The following SMARCA2 variants were observed in gnomAD, a reference collection of about 807,000 sequenced individuals.
SMARCA2 encodes the protein SWI/SNF-related matrix-associated actin-dependent regulator of chromatin subfamily A member 2.
In SMARCA2, 61 loss-of-function variants were observed where a neutral mutation model predicts 199.8. The observed-to-expected ratio is 0.31, with a 90% CI of 0.25 to 0.38. The LOEUF (loss-of-function observed/expected upper bound fraction) is 0.38. Among genes scored for constraint, SMARCA2 ranks in the 10% least tolerant of loss-of-function variants. The probability of loss-of-function intolerance (pLI) is 1.00; values close to 1 mark genes in which losing one functional copy is unlikely to be tolerated. For missense variants in SMARCA2, 1,344 were observed against 2,012.2 expected, an observed-to-expected ratio of 0.67 and a Z score of 6.35; for synonymous variants, 935 against 732.0, an observed-to-expected ratio of 1.28 and a Z score of -4.48.
rs1192580920 is a variant in SMARCA2, at chr9:2,123,334, G to C, written c.3763-385G>C. Among the ~76,000 whole-genome samples the C allele has an allele frequency of 6.6e-6, 1 of 151,926 alleles. No individual in the cohort carries two copies. The highest frequency in any genetic ancestry group is 1.5e-5 in the Non-Finnish European group (1 of 67,996). On this transcript the variant is annotated intron_variant, in intron 26 of 33. Transcript: ENST00000349721. This position sits in a 1 kb window ranked among gnomAD's most constrained non-coding sequence, Gnocchi z 4.1. ...AAGATCTTTCTTTTCTTTACTCAAA[G>C]AATAAGTTTCTTCCAGGGAAGCAAT...
intron 27 of SMARCA2, among the ~76,000 whole-genome samples, chr9:2,142,464 A>C (rs1824510513): frequency 6.6e-6 from 1 of 152,054 alleles, no homozygotes; most frequent in South Asian, 2.1e-4. Flanking sequence ...CTCTCTCCTG[A>C]TTTCTCAGAA....
At position 2,056,169 on chromosome 9, in the gene SMARCA2, A is replaced by G. The variant is rs1040093865; in HGVS notation, c.1174-503A>G. On this transcript the variant is annotated intron_variant, in intron 6 of 33. Transcript: ENST00000349721. This position sits in a 1 kb window ranked among gnomAD's most constrained non-coding sequence, Gnocchi z 4.0. Reference sequence around the variant, plus strand: ...TTGGAGTGGGAAGAAGCCAAAACTCATATTTCCCATCCTTTGTATGAGACT... The same window carrying G: ...TTGGAGTGGGAAGAAGCCAAAACTCGTATTTCCCATCCTTTGTATGAGACT... 6.6e-6 allele frequency among the ~76,000 whole-genome samples: 1 copy of G among 152,228 alleles called. No homozygotes were observed. The highest frequency in any genetic ancestry group is 6.5e-5 in the Admixed American group (1 of 15,284).
At chr9:2,097,316 G>C in intron 20 of SMARCA2, 69 bp from the exon 21 acceptor site, 2 of 990,984 alleles carry the variant, frequency 2.0e-6, no homozygotes, top group Non-Finnish European at 3.2e-6. Context: ...AAGAAGCCCA[G>C]TGTGAAGGAT....
intron 16 of SMARCA2, among the ~76,000 whole-genome samples, chr9:2,083,698 G>A (rs1821667776): frequency 6.6e-6 from 1 of 152,184 alleles, no homozygotes; most frequent in African/African-American, 2.4e-5. Context: ...CTGCTGACTG[G>A]CTCGCTGTGG....
rs374750495 is a variant in SMARCA2, at chr9:2,191,321, C to T, written c.4650C>T (p.Asp1550=). The T allele has an allele frequency of 3.1e-6, 5 of 1,613,936 alleles. No individual in the cohort carries two copies. Among genetic ancestry groups the T allele is most frequent in the African/African-American group, 1.3e-5 (1 of 74,886 alleles). The change falls in exon 33 of 34, where the codon GAC becomes GAT. Residue 1550 remains aspartate (D), a synonymous_variant. Transcript: ENST00000349721. ...KLNKKDDKGR[D]KGKGKKRPNR... ...ATAAAAAAGATGACAAAGGCCGGGA[C>T]AAAGGGAAAGGCAAGAAAAGGCCAA... is the stretch of plus-strand genomic sequence containing the variant.
chr9:2,161,646 C>G lies in SMARCA2; in HGVS notation c.3982-40C>G. On this transcript the variant is annotated intron_variant, in intron 27 of 33. Coordinates refer to ENST00000349721, the MANE Select transcript of SMARCA2 (RefSeq NM_003070.5). The surrounding 1 kb of genome is among the most constrained non-coding windows in gnomAD (Gnocchi z 4.7). ...ACATACTTTTTTTGTCTTGGTTATT[C>G]TCTTGTCTTGAATTTGTCTCCTTTG... is the stretch of plus-strand genomic sequence containing the variant. 1 of 1,406,154 alleles carries G rather than the reference C, an allele frequency of 7.1e-7. No homozygotes were observed. The highest frequency in any genetic ancestry group is 1.0e-6 in the Non-Finnish European group (1 of 999,336). The allele number at this position is 1,406,154 out of a possible 1,614,324, so 87.1% of individuals were successfully genotyped here.
intron 19 of SMARCA2, among the ~76,000 whole-genome samples, chr9:2,094,727 AATGTGGCT>A (rs1178178168): frequency 6.6e-6 from 1 of 152,220 alleles, no homozygotes; most frequent in African/African-American, 2.4e-5. Context: ...GAGAAGGCTA[AATGTGGCT>A]ATCCCAGTAC....
intron 27 of SMARCA2, among the ~76,000 whole-genome samples, chr9:2,146,426 T>C (rs1373205787): frequency 6.6e-6 from 1 of 152,188 alleles, no homozygotes; most frequent in Non-Finnish European, 1.5e-5. Context: ...TAGATTCTGT[T>C]ACCGGATCCC....
chr9:2,138,863 G>C (rs1221148062), intron 27 of SMARCA2, among the ~76,000 whole-genome samples: 1 of 152,176 alleles, frequency 6.6e-6, no homozygotes, highest in African/African-American at 2.4e-5. Flanking sequence ...CCATCTCCGA[G>C]AACTCAGCTC....
At chr9:2,185,620 G>A (rs1406825398) in intron 31 of SMARCA2, among the ~76,000 whole-genome samples, 1 of 152,142 alleles carries the variant, frequency 6.6e-6, no homozygotes, top group Non-Finnish European at 1.5e-5. Flanking sequence ...CCTACCCAGG[G>A]CCATGCTCAG....
rs570310321 is a variant in SMARCA2, at chr9:2,182,182, G to A, written c.4401G>A (p.Leu1467=). 3.1e-6 allele frequency: 5 copies of A among 1,613,580 alleles called. No homozygotes were observed. In the South Asian group the frequency reaches 3.3e-5, roughly 11 times the overall value. Residue 1467 remains leucine, a synonymous_variant, in exon 31 of 34, where the codon CTG becomes CTA. Coordinates refer to ENST00000349721, the MANE Select transcript of SMARCA2 (RefSeq NM_003070.5). The part of the protein sequence containing the change: ...RNHKYRSLGD[L]EKDVMLLCHN... ...ATAAGTACCGGAGCCTAGGCGACCT[G>A]GAGAAGGATGTCATGCTTCTCTGTC...
chr9:2,069,652 A>G (rs1404916722), intron 9 of SMARCA2, among the ~76,000 whole-genome samples: 2 of 152,214 alleles, frequency 1.3e-5, no homozygotes, highest in Non-Finnish European at 2.9e-5. Context: ...TAGAAATACT[A>G]TATGTTATGA....
chr9:2,023,555 T>C (rs769222595), intron 1 of SMARCA2, among the ~76,000 whole-genome samples: 2 of 152,328 alleles, frequency 1.3e-5, no homozygotes, highest in Non-Finnish European at 2.9e-5. Context: ...GTGTGATTTG[T>C]ATCTGACAGA....
chr9:2,191,856 TTTTAAGTACCTAGGGGTG>T (rs139149120), intron 33 of SMARCA2: 29,486 of 154,296 alleles, frequency 0.19, 3,383 homozygotes, highest in African/African-American at 0.31. Flanking sequence ...TCAAAGGACT[TTTTAAGTACCTAGGGGTG>T]TTATTTTTCA....
chr9:2,153,608 A>C (rs1825190897), intron 27 of SMARCA2, among the ~76,000 whole-genome samples: 1 of 152,210 alleles, frequency 6.6e-6, no homozygotes, highest in South Asian at 2.1e-4. Context: ...TTTAATGCTC[A>C]ATGTTTTTAA....
chr9:2,164,740 T>C (rs542270940), intron 28 of SMARCA2, among the ~76,000 whole-genome samples: 28 of 152,374 alleles, frequency 1.8e-4, no homozygotes, highest in African/African-American at 6.3e-4. Flanking sequence ...TTTGAATATT[T>C]CAGCATGCAG....
intron 28 of SMARCA2, among the ~76,000 whole-genome samples, chr9:2,164,348 C>G (rs1316711364): frequency 2.1e-5 from 3 of 145,974 alleles, no homozygotes; most frequent in African/African-American, 7.6e-5. Context: ...TCTTGTCTGT[C>G]TTGATTTAAC....
intron 31 of SMARCA2, among the ~76,000 whole-genome samples, chr9:2,185,232 G>A (rs1827354350): frequency 1.3e-5 from 2 of 152,124 alleles, no homozygotes; most frequent in African/African-American, 4.8e-5. Flanking sequence ...CTGTTTCTAT[G>A]AATTTGCCCA....
chr9:2,019,348 G>A (rs1418428991), intron 1 of SMARCA2, among the ~76,000 whole-genome samples: 1 of 152,172 alleles, frequency 6.6e-6, no homozygotes, highest in Non-Finnish European at 1.5e-5. Flanking sequence ...TAGGTGCACT[G>A]TGGTGTTTCA....
Sources: gnomAD v4.1 joint callset for allele counts (sites outside exome capture counted in the v4.1 genomes callset) on GRCh38, gnomAD v4.1.1 for gene constraint, Gnocchi (gnomAD v3.1) non-coding constraint, MANE v1.5 for transcripts, NCBI Gene and HGNC (gene_info 2026-07-23, HGNC 2026-07-21) for gene names.